The following DYM variants were observed in gnomAD, a reference collection of about 807,000 sequenced individuals.
The protein encoded by DYM is dymeclin, also known as dyggve-Melchior-Clausen syndrome protein.
A neutral mutation model predicts 93.1 loss-of-function variants in DYM; 78 were observed. The observed-to-expected ratio is 0.84, with a 90% CI of 0.70 to 1.01. DYM has a LOEUF of 1.01. DYM is among the 50% of genes least tolerant of loss of function. DYM has a pLI of 0.00. For synonymous variants in DYM, 321 were observed against 319.7 expected (o/e 1.00, Z -0.04); for missense variants, 789 against 845.0 (o/e 0.93, Z 0.82).
chr18:49,291,949 C>T (rs113096010), intron 8 of DYM, among the ~76,000 whole-genome samples: 1,633 of 152,220 alleles, frequency 0.011, 28 homozygotes, highest in African/African-American at 0.038. Context: ...TCAGAGTATG[C>T]TCCATGACAG....
At chr18:49,320,479 A>C (rs548525818) in intron 8 of DYM, among the ~76,000 whole-genome samples, 30 of 152,172 alleles carry the variant, frequency 2.0e-4, no homozygotes, top group Middle Eastern at 3.4e-3. Flanking sequence ...ATTTATTATT[A>C]TTATTTTTTA....
At chr18:49,065,182 C>A (rs1272624928) in intron 17 of DYM, among the ~76,000 whole-genome samples, 1 of 152,120 alleles carries the variant, frequency 6.6e-6, no homozygotes, top group Non-Finnish European at 1.5e-5. Context: ...CTGCACGTCA[C>A]TAAAATACCC....
Position 49,257,014 on chromosome 18 carries a change from T to C in DYM, c.1456A>G (p.Ile486Val), listed in dbSNP as rs61758455. Reference sequence around the variant, plus strand: ...TCTTTTAAAGTTCATATTTACCTGATGATCCTCTGGGCAGCATACTGATGG... The same window carrying C: ...TCTTTTAAAGTTCATATTTACCTGACGATCCTCTGGGCAGCATACTGATGG... Reference protein sequence around the residue: ...SLHQYAAQRIISYTCRHLRRY... With the variant: ...SLHQYAAQRIVSYTCRHLRRY... Residue 486 changes from isoleucine (I) to valine (V), a missense_variant, in exon 13 of 18, where the codon ATC (isoleucine) becomes GTC (valine). Physicochemically the swap from Ile to Val is conservative, Grantham distance 29. This residue lies in a region of DYM where 225 missense variants were observed against 303.0 expected (regional missense o/e 0.74). Coordinates refer to ENST00000675505, the MANE Select transcript of DYM (RefSeq NM_001353214.3). 3 of 1,612,358 alleles carry C rather than the reference T, an allele frequency of 1.9e-6. No individual in the cohort carries two copies. The highest frequency in any genetic ancestry group is 2.5e-6 in the Non-Finnish European group (3 of 1,178,426).
chr18:49,433,816 C>T (rs1391295183), intron 1 of DYM, among the ~76,000 whole-genome samples: 6 of 152,004 alleles, frequency 3.9e-5, no homozygotes, highest in African/African-American at 1.2e-4. Flanking sequence ...TGCAGTGAGC[C>T]GAGATTGTGC....
intron 16 of DYM, among the ~76,000 whole-genome samples, chr18:49,116,812 A>G (rs2145945919): frequency 6.6e-6 from 1 of 152,352 alleles, no homozygotes; most frequent in Admixed American, 6.5e-5. Flanking sequence ...TATCCCATAA[A>G]AGAAGACGGA....
chr18:49,079,252 T>C (rs2077573202), intron 17 of DYM, among the ~76,000 whole-genome samples: 1 of 152,198 alleles, frequency 6.6e-6, no homozygotes, highest in Admixed American at 6.5e-5. Context: ...AAAATCTTTG[T>C]TGGTTCTAAC....
intron 15 of DYM, among the ~76,000 whole-genome samples, chr18:49,137,674 A>T: frequency 6.6e-6 from 1 of 152,168 alleles, no homozygotes; most frequent in Non-Finnish European, 1.5e-5. Flanking sequence ...TAAGTTTATA[A>T]ATAACAGATA....
At chr18:49,264,893 G>A (rs921341145) in intron 11 of DYM, among the ~76,000 whole-genome samples, 1 of 152,144 alleles carries the variant, frequency 6.6e-6, no homozygotes, top group Non-Finnish European at 1.5e-5. Flanking sequence ...ATAATCTGGA[G>A]AACAGAATAA....
chr18:49,086,805 T>C (rs529344081), intron 17 of DYM, among the ~76,000 whole-genome samples: 34 of 151,742 alleles, frequency 2.2e-4, no homozygotes, highest in Non-Finnish European at 2.9e-5. Context: ...CTGGCCAACA[T>C]AGGAAAACCC....
intron 15 of DYM, among the ~76,000 whole-genome samples, chr18:49,154,417 A>C (rs1313776846): frequency 1.3e-5 from 2 of 152,072 alleles, no homozygotes; most frequent in African/African-American, 4.8e-5. Flanking sequence ...TTTTTGAGAC[A>C]GAGTTTCGCT....
At chr18:49,381,986 A>G (rs1055375043) in intron 3 of DYM, among the ~76,000 whole-genome samples, 2 of 152,194 alleles carry the variant, frequency 1.3e-5, no homozygotes, top group African/African-American at 4.8e-5. Flanking sequence ...GCTATTGTAA[A>G]TCCAAACAAA....
chr18:49,213,553 C>A (rs1227977251), intron 13 of DYM, among the ~76,000 whole-genome samples: 1 of 152,098 alleles, frequency 6.6e-6, no homozygotes, highest in African/African-American at 2.4e-5. Context: ...TGACCTCAGG[C>A]AATCCACCCA....
intron 14 of DYM, among the ~76,000 whole-genome samples, chr18:49,185,440 C>A (rs1453357003): frequency 6.6e-6 from 1 of 152,120 alleles, no homozygotes; most frequent in Non-Finnish European, 1.5e-5. Flanking sequence ...TAAGAACAGT[C>A]TAGACAGGTA....
intron 13 of DYM, among the ~76,000 whole-genome samples, chr18:49,219,252 T>A (rs1322872440): frequency 7.9e-5 from 12 of 152,114 alleles, no homozygotes; most frequent in South Asian, 2.1e-4. Context: ...TCTGAAATTG[T>A]GGCAATAATC....
intron 16 of DYM, among the ~76,000 whole-genome samples, chr18:49,109,139 G>A (rs2081162570): frequency 1.3e-5 from 2 of 152,026 alleles, no homozygotes; most frequent in Non-Finnish European, 2.9e-5. Flanking sequence ...CACATAGTTA[G>A]GTCTTGCTTT....
At chr18:49,276,188 T>C (rs187752185) in intron 10 of DYM, among the ~76,000 whole-genome samples, 19 of 152,310 alleles carry the variant, frequency 1.2e-4, no homozygotes, top group Non-Finnish European at 2.5e-4. Context: ...CCATTAAATA[T>C]GATGTGAGCT....
chr18:49,083,941 T>A (rs994235822), intron 17 of DYM, among the ~76,000 whole-genome samples: 1 of 152,154 alleles, frequency 6.6e-6, no homozygotes, highest in Admixed American at 6.5e-5. Flanking sequence ...TTTCAAAGAA[T>A]CAGCTTTTAG....
chr18:49,086,550 A>T (rs1211680407), intron 17 of DYM, among the ~76,000 whole-genome samples: 2 of 152,216 alleles, frequency 1.3e-5, no homozygotes, highest in Non-Finnish European at 2.9e-5. Context: ...CATGGTCTGG[A>T]GAACTAGGTG....
At chr18:49,187,280 G>A (rs1044795954) in intron 14 of DYM, among the ~76,000 whole-genome samples, 11 of 152,134 alleles carry the variant, frequency 7.2e-5, no homozygotes, top group Admixed American at 5.2e-4. Context: ...TGGGTGAAGT[G>A]AAGATCTGGT....
Sources: allele counts gnomAD v4.1 joint callset (sites outside exome capture counted in the v4.1 genomes callset), GRCh38; gene constraint gnomAD v4.1.1; regional missense constraint gnomAD v4.1.1; transcripts MANE v1.5; gene names NCBI Gene and HGNC (gene_info 2026-07-23, HGNC 2026-07-21).